The following FRK variants were observed in gnomAD, a reference collection of about 807,000 sequenced individuals.
The protein encoded by FRK is fyn related Src family tyrosine kinase, also known as tyrosine-protein kinase FRK.
In FRK, 51 loss-of-function variants were observed where a neutral mutation model predicts 56.4. That is an observed-to-expected ratio of 0.90 (90% confidence interval 0.72 to 1.14). The LOEUF is 1.14. Among genes scored for constraint, FRK ranks in the 50% most tolerant of loss-of-function variants. FRK has a pLI of 0.00. For missense variants in FRK, 570 were observed against 601.4 expected, an observed-to-expected ratio of 0.95 and a Z score of 0.55; for synonymous variants, 245 against 217.9, an observed-to-expected ratio of 1.12 and a Z score of -1.10.
intron 6 of FRK, among the ~76,000 whole-genome samples, chr6:115,943,972 G>A (rs1421625284): frequency 3.9e-5 from 6 of 152,044 alleles, no homozygotes; most frequent in African/African-American, 1.4e-4. Flanking sequence ...AGAGGTGACT[G>A]GTACTAACTG....
intron 2 of FRK, among the ~76,000 whole-genome samples, chr6:116,001,253 A>C (rs1775056157): frequency 6.6e-6 from 1 of 151,866 alleles, no homozygotes; most frequent in Non-Finnish European, 1.5e-5. Context: ...AAAAAAAAGA[A>C]AAGAAAAATG....
intron 5 of FRK, among the ~76,000 whole-genome samples, chr6:115,947,980 C>T (rs1001678167): frequency 6.6e-6 from 1 of 152,124 alleles, no homozygotes; most frequent in African/African-American, 2.4e-5. Context: ...TATTCAAGCC[C>T]TTGTGAAAGC....
chr6:116,053,712 A>G (rs1171563593), intron 1 of FRK, among the ~76,000 whole-genome samples: 1 of 152,138 alleles, frequency 6.6e-6, no homozygotes, highest in Non-Finnish European at 1.5e-5. Flanking sequence ...TCCCATTGTT[A>G]GTAATTTGTA....
Position 115,942,399 on chromosome 6 carries a change from ATTC to A in FRK, c.*12_*14del, listed in dbSNP as rs758361274. 2.1e-5 allele frequency: 34 copies of A among 1,586,308 alleles called. No individual in the cohort carries two copies. Among genetic ancestry groups the A allele is most frequent in the Admixed American group, 3.4e-5 (2 of 59,586 alleles). On this transcript the variant is annotated 3_prime_UTR_variant, in exon 8 of 8. Coordinates refer to ENST00000606080, the MANE Select transcript of FRK (RefSeq NM_002031.3). ...TTGTTTTGCTACTTTATTATTTGATATTCTTCTCCAGTGTTCATCTTATGAAGT... is the reference window on the plus strand; with the variant it reads ...TTGTTTTGCTACTTTATTATTTGATATTCTCCAGTGTTCATCTTATGAAGT...
At chr6:115,969,219 C>T (rs956989265) in intron 2 of FRK, among the ~76,000 whole-genome samples, 1 of 152,036 alleles carries the variant, frequency 6.6e-6, no homozygotes, top group Admixed American at 6.6e-5. Context: ...TGCTCAATAC[C>T]GTCTTACAAT....
chr6:116,082,902 G>T, the FRK span, among the ~76,000 whole-genome samples: 14 of 152,108 alleles, frequency 9.2e-5, no homozygotes, highest in Non-Finnish European at 2.1e-4. Context: ...AGAGAAAATA[G>T]GAGGCAGAAG....
At chr6:116,008,588 G>A (rs969480476) in intron 1 of FRK, among the ~76,000 whole-genome samples, 2 of 152,192 alleles carry the variant, frequency 1.3e-5, no homozygotes, top group Non-Finnish European at 2.9e-5. Flanking sequence ...ATAAACAATA[G>A]CTTGTTCTAC....
At chr6:116,011,020 A>T (rs547683449) in intron 1 of FRK, among the ~76,000 whole-genome samples, 1 of 152,178 alleles carries the variant, frequency 6.6e-6, no homozygotes, top group Non-Finnish European at 1.5e-5. Context: ...TTACTAATCC[A>T]AAAAGGGAAA....
the FRK span, among the ~76,000 whole-genome samples, chr6:116,082,120 G>A: frequency 3.1e-4 from 47 of 152,232 alleles, no homozygotes; most frequent in African/African-American, 1.0e-3. Context: ...GTGATAAACC[G>A]CTGAAAGATC....
Position 115,960,266 on chromosome 6 carries a change from G to C in FRK, c.800-3656C>G, listed in dbSNP as rs538966155. The stretch of plus-strand genomic sequence containing the variant: ...AGGGGTCAGGGAGTTCCCTTTCCGA[G>C]TCAAAGAAAGGGGTGACGGACGCAC... On this transcript the variant is annotated intron_variant, in intron 4 of 7. Transcript: ENST00000606080. 1.8e-3 allele frequency among the ~76,000 whole-genome samples: 271 copies of C among 151,148 alleles called. 3 individuals carry two copies. The highest frequency in any genetic ancestry group is 6.3e-3 in the African/African-American group (258 of 41,158).
At chr6:116,066,635 G>T in the FRK span, among the ~76,000 whole-genome samples, 1 of 152,088 alleles carries the variant, frequency 6.6e-6, no homozygotes, top group Non-Finnish European at 1.5e-5. Context: ...CTCTGCTGGG[G>T]CTGTCTCCAG....
intron 2 of FRK, among the ~76,000 whole-genome samples, chr6:115,979,442 A>G (rs1774114625): frequency 6.6e-6 from 1 of 152,210 alleles, no homozygotes; most frequent in African/African-American, 2.4e-5. Flanking sequence ...CACTGTTATT[A>G]CAAAAGAGTC....
rs1732805806 is a variant in FRK at position 115,938,619 on chromosome 6, A to G, written c.*3795T>C. 1 of 152,206 alleles carries G rather than the reference A, an allele frequency of 6.6e-6. No individual in the cohort carries two copies. Among genetic ancestry groups the G allele is most frequent in the African/African-American group, 2.4e-5 (1 of 41,462 alleles). The allele number at this position is 152,206 out of a possible 1,614,324, so 9.4% of individuals were successfully genotyped here. On this transcript the variant is annotated 3_prime_UTR_variant, in exon 8 of 8. Coordinates refer to ENST00000606080, the MANE Select transcript of FRK (RefSeq NM_002031.3). ...AAGAGAGCAGAATCAAATAGACACA[A>G]TAAAAAATGATAAAGCGGAGATCAC...
At chr6:116,063,216 C>T (rs1777682046), upstream of FRK, among the ~76,000 whole-genome samples, 1 of 152,126 alleles carries the variant, frequency 6.6e-6, no homozygotes, top group African/African-American at 2.4e-5. Flanking sequence ...GGGTATGTAT[C>T]CAAAAGATTT....
rs1455065049 is a variant in FRK at position 115,962,437 on chromosome 6, A to G, written c.799+5114T>C. Among the ~76,000 whole-genome samples the G allele has an allele frequency of 5.7e-4, 77 of 135,428 alleles. No homozygotes were observed. The East Asian group carries it at 0.016, about 29-fold the overall frequency. The allele number at this position is 135,428 out of a possible 152,430, so 88.8% of individuals were successfully genotyped here. On this transcript the variant is annotated intron_variant, in intron 4 of 7. Transcript: ENST00000606080. Reference sequence around the variant, plus strand: ...TACAAAGAGACTTAGACTCCCACACATTAATAATGGGAGACTTTAACACCC... The same window carrying G: ...TACAAAGAGACTTAGACTCCCACACGTTAATAATGGGAGACTTTAACACCC...
the FRK span, among the ~76,000 whole-genome samples, chr6:116,095,208 T>C: frequency 6.6e-6 from 1 of 152,206 alleles, no homozygotes. Flanking sequence ...GGACAATAGA[T>C]GGTTCCTCCT....
intron 2 of FRK, among the ~76,000 whole-genome samples, chr6:115,980,866 C>T (rs533918416): frequency 1.2e-4 from 19 of 152,220 alleles, no homozygotes; most frequent in African/African-American, 4.6e-4. Flanking sequence ...TGCCAGAGAA[C>T]CCCTGGCTAA....
In FRK at chr6:116,060,138, AG is replaced by A; in HGVS notation, c.173del (p.Ala58ValfsTer4). On this transcript the variant is annotated frameshift_variant, in exon 1 of 8. Coordinates refer to ENST00000606080, the MANE Select transcript of FRK (RefSeq NM_002031.3). LOFTEE classifies it high-confidence loss of function. ...CACCTGCTCGGAAGCTCAAGTCCTC[AG>A]CAGTCCGAGCCTGGTAATCAAACAA... is the stretch of plus-strand genomic sequence containing the variant. Reference protein sequence around the residue: ...VALFDYQARTAEDLSFRAGDK... With the variant: ...VALFDYQARTXEDLSFRAGDK... The A allele has an allele frequency of 6.2e-7, 1 of 1,614,196 alleles. No individual in the cohort carries two copies. The highest frequency in any genetic ancestry group is 8.5e-7 in the Non-Finnish European group (1 of 1,180,042).
intron 1 of FRK, among the ~76,000 whole-genome samples, chr6:116,042,648 C>T (rs980423079): frequency 1.3e-5 from 2 of 152,038 alleles, no homozygotes; most frequent in African/African-American, 4.8e-5. Flanking sequence ...ATTGTAAAGA[C>T]CATCGACACT....
Sources: allele counts gnomAD v4.1 joint callset (sites outside exome capture counted in the v4.1 genomes callset), GRCh38; gene constraint gnomAD v4.1.1; transcripts MANE v1.5; gene names NCBI Gene and HGNC (gene_info 2026-07-23, HGNC 2026-07-21).